Variants in LRP1B observed in about 807,000 individuals in gnomAD.
LRP1B encodes the protein LDL receptor related protein 1B.
Under a neutral mutation model 556.6 loss-of-function variants are expected in LRP1B, and 217 were observed. That is an observed-to-expected ratio of 0.39 (90% CI 0.35 to 0.44). The LOEUF (loss-of-function observed/expected upper bound fraction) is 0.44. LRP1B is among the 20% of genes least tolerant of loss of function. The pLI is 1.00. For missense variants in LRP1B, 5,053 were observed against 5,620.8 expected (o/e 0.90, Z 3.23); for synonymous variants, 2,047 against 1,865.8 (o/e 1.10, Z -2.50).
At chr2:141,756,544 TACACACACACACACACACACAC>T (rs35271250) in intron 2 of LRP1B, among the ~76,000 whole-genome samples, 1 of 143,358 alleles carries the variant, frequency 7.0e-6, no homozygotes, top group African/African-American at 2.8e-5. Flanking sequence ...TCTCTCAAAT[TACACACACACACACACACACAC>T]ACACACACAC....
chr2:140,815,474 AT>A (rs142889472), intron 31 of LRP1B, among the ~76,000 whole-genome samples: 109 of 150,842 alleles, frequency 7.2e-4, no homozygotes, highest in African/African-American at 2.3e-3. Flanking sequence ...GCCTAGTTCT[AT>A]TTTTTTTTCT....
chr2:141,858,130 GA>G lies in LRP1B; in HGVS notation c.83-47730del, dbSNP rs200641874. On this transcript the variant is annotated intron_variant, in intron 1 of 90. Coordinates refer to ENST00000389484, the MANE Select transcript of LRP1B (RefSeq NM_018557.3). ...GGTACCTTGTATTTAGGATCTTCAG[GA>G]AAAAAAAATACCTGCGTTAAATTTT... is the stretch of plus-strand genomic sequence containing the variant. 4.0e-5 allele frequency among the ~76,000 whole-genome samples: 6 copies of G among 150,264 alleles called. No individual in the cohort carries two copies. In the South Asian group the frequency reaches 1.1e-3, roughly 26 times the overall value.
At chr2:141,652,744 GC>G (rs1381533223) in intron 2 of LRP1B, among the ~76,000 whole-genome samples, 3 of 152,038 alleles carry the variant, frequency 2.0e-5, no homozygotes, top group African/African-American at 7.3e-5. Context: ...CATAACATAG[GC>G]AGGCAGAATC....
chr2:141,605,018 G>T (rs1205700071), intron 2 of LRP1B, among the ~76,000 whole-genome samples: 1 of 152,050 alleles, frequency 6.6e-6, no homozygotes, highest in Non-Finnish European at 1.5e-5. Flanking sequence ...TGGGCCAGTA[G>T]TCTCTTGCGG....
intron 41 of LRP1B, among the ~76,000 whole-genome samples, chr2:140,659,017 A>T (rs948331096): frequency 1.4e-5 from 2 of 143,790 alleles, no homozygotes; most frequent in Admixed American, 1.4e-4. Flanking sequence ...ATGTTAGATG[A>T]TGGGTTGTTT....
intron 32 of LRP1B, among the ~76,000 whole-genome samples, chr2:140,811,649 T>C (rs1690929050): frequency 6.6e-6 from 1 of 152,132 alleles, no homozygotes; most frequent in South Asian, 2.1e-4. Context: ...CTTACTCAAC[T>C]ACTTTCAGAA....
At chr2:140,885,890 T>C (rs1693623998) in intron 24 of LRP1B, among the ~76,000 whole-genome samples, 1 of 151,448 alleles carries the variant, frequency 6.6e-6, no homozygotes, top group Non-Finnish European at 1.5e-5. Flanking sequence ...TGTAAATGCA[T>C]TTCTTTGCCA....
intron 41 of LRP1B, among the ~76,000 whole-genome samples, chr2:140,627,822 C>A (rs981303343): frequency 2.0e-5 from 3 of 152,150 alleles, no homozygotes; most frequent in Admixed American, 6.5e-5. Flanking sequence ...ACACTCTTTG[C>A]CACTTTCAAC....
intron 35 of LRP1B, among the ~76,000 whole-genome samples, chr2:140,763,036 ATACTC>A (rs1185054783): frequency 3.9e-5 from 6 of 152,162 alleles, no homozygotes; most frequent in Non-Finnish European, 5.9e-5. Flanking sequence ...GTACCAATCT[ATACTC>A]TAAGTATCAG....
At chr2:141,642,008 ACCC>A (rs67831144) in intron 2 of LRP1B, among the ~76,000 whole-genome samples, 1 of 138,244 alleles carries the variant, frequency 7.2e-6, no homozygotes, top group Non-Finnish European at 1.6e-5. Context: ...AACAAACAAA[ACCC>A]CCCCCCAAAA....
intron 3 of LRP1B, among the ~76,000 whole-genome samples, chr2:141,349,164 A>G (rs1261917000): frequency 6.6e-6 from 1 of 152,038 alleles, no homozygotes; most frequent in Non-Finnish European, 1.5e-5. Flanking sequence ...TTATAATAAA[A>G]CTCCCACATT....
chr2:141,235,323 G>T lies in LRP1B; in HGVS notation c.593-5883C>A, dbSNP rs975401549. On this transcript the variant is annotated intron_variant, in intron 5 of 90. Coordinates refer to ENST00000389484, the MANE Select transcript of LRP1B (RefSeq NM_018557.3). Reference sequence around the variant, plus strand: ...CTGAAAGAGATCAGTAAGACAGTCCGCCTTCAAGAACGATACAATCAAGTA... The same window carrying T: ...CTGAAAGAGATCAGTAAGACAGTCCTCCTTCAAGAACGATACAATCAAGTA... Among the ~76,000 whole-genome samples, 3 of 151,824 alleles carry T rather than the reference G, an allele frequency of 2.0e-5. No homozygotes were observed. In the East Asian group the frequency reaches 5.8e-4, roughly 29 times the overall value.
intron 32 of LRP1B, among the ~76,000 whole-genome samples, chr2:140,788,464 AT>A (rs1252809350): frequency 6.6e-6 from 1 of 152,166 alleles, no homozygotes; most frequent in African/African-American, 2.4e-5. Flanking sequence ...TGGCAAAAAA[AT>A]AATATATATT....
At position 140,892,314 on chromosome 2, in the gene LRP1B, C is replaced by T. The variant is rs180939783; in HGVS notation, c.3767-5979G>A. Among the ~76,000 whole-genome samples the T allele has an allele frequency of 1.2e-3, 179 of 152,038 alleles. 1 individual carries two copies. The highest frequency in any genetic ancestry group is 4.0e-3 in the African/African-American group (166 of 41,482). ...TGAAGTTCATAGATGGGTGACTGAACGGAGGCAGTATCGGAAATGTCTAAA... is the reference window on the plus strand; with the variant it reads ...TGAAGTTCATAGATGGGTGACTGAATGGAGGCAGTATCGGAAATGTCTAAA... On this transcript the variant is annotated intron_variant, in intron 23 of 90. Transcript: ENST00000389484.
At chr2:140,260,685 C>A (rs1053726391) in intron 86 of LRP1B, among the ~76,000 whole-genome samples, 2 of 151,600 alleles carry the variant, frequency 1.3e-5, no homozygotes, top group African/African-American at 4.8e-5. Flanking sequence ...AGCCAGATGG[C>A]CCATTCCCAC....
At chr2:141,111,102 C>T (rs1389168907) in intron 7 of LRP1B, among the ~76,000 whole-genome samples, 1 of 152,068 alleles carries the variant, frequency 6.6e-6, no homozygotes, top group Admixed American at 6.6e-5. Context: ...TAAGATACCA[C>T]AGTCAAAACA....
intron 57 of LRP1B, among the ~76,000 whole-genome samples, chr2:140,490,313 C>A (rs943646977): frequency 6.6e-6 from 1 of 152,028 alleles, no homozygotes; most frequent in African/African-American, 2.4e-5. Flanking sequence ...CACTGAAGTA[C>A]AGTTTCTAAA....
chr2:141,173,768 C>T (rs963001381), intron 7 of LRP1B, among the ~76,000 whole-genome samples: 5 of 151,952 alleles, frequency 3.3e-5, no homozygotes, highest in African/African-American at 1.2e-4. Context: ...ATGTGGCTCT[C>T]TGATGATGTC....
intron 66 of LRP1B, among the ~76,000 whole-genome samples, chr2:140,406,181 G>T (rs913006408): frequency 2.0e-5 from 3 of 152,000 alleles, no homozygotes; most frequent in African/African-American, 7.3e-5. Flanking sequence ...AGTCATAGAC[G>T]GAACTTATGT....
Sources: gnomAD v4.1 joint callset for allele counts (sites outside exome capture counted in the v4.1 genomes callset) on GRCh38, gnomAD v4.1.1 for gene constraint, MANE v1.5 for transcripts, NCBI Gene and HGNC (gene_info 2026-07-23, HGNC 2026-07-21) for gene names.